The following KRT19 variants were observed in gnomAD, a reference collection of about 807,000 sequenced individuals.
The protein encoded by KRT19 is keratin 19, also known as keratin, type I cytoskeletal 19.
KRT19 carries 21 observed loss-of-function variants against 34.6 expected under a neutral mutation model. The observed-to-expected ratio is 0.61, with a 90% CI of 0.43 to 0.87. The LOEUF is 0.87. Ranked by LOEUF, KRT19 falls within the 40% of genes least tolerant of loss-of-function variation. The pLI is 0.00. For missense variants in KRT19, 514 were observed against 545.7 expected (o/e 0.94, Z 0.58); for synonymous variants, 240 against 245.8 (o/e 0.98, Z 0.22).
Position 41,527,877 on chromosome 17 carries a change from G to A in KRT19, c.371C>T (p.Ser124Phe). ...DWYQKQGPGPSRDYSHYYTTI... is the reference protein window; with the variant it reads ...DWYQKQGPGPFRDYSHYYTTI... ...CGTGTAGTAGTGGCTGTAGTCGCGG[G>A]AGGGCCCAGGCCCCTGCTTCTGGTA... The change falls in exon 1 of 6, where the codon TCC becomes TTC. Residue 124 changes from serine to phenylalanine, a missense_variant. Physicochemically the swap from Ser to Phe is radical, Grantham distance 155 (BLOSUM62 -2). Coordinates refer to ENST00000361566, the MANE Select transcript of KRT19 (RefSeq NM_002276.5). 1 of 1,613,202 alleles carries A rather than the reference G, an allele frequency of 6.2e-7. No individual in the cohort carries two copies. The highest frequency in any genetic ancestry group is 8.5e-7 in the Non-Finnish European group (1 of 1,179,584).
At position 41,523,736 on chromosome 17, in the gene KRT19, T is replaced by G; in HGVS notation, c.*7A>C. ...AAAGGACAGCAGAAGCCCCAGAGCC[T>G]GCTGCCTCAGAGGACCTTGGAGGCA... is the stretch of plus-strand genomic sequence containing the variant. On this transcript the variant is annotated 3_prime_UTR_variant, in exon 6 of 6. Transcript: ENST00000361566. 1 of 1,613,194 alleles carries G rather than the reference T, an allele frequency of 6.2e-7. No individual in the cohort carries two copies.
At position 41,524,501 on chromosome 17, in the gene KRT19, T is replaced by C. The variant is rs761258678; in HGVS notation, c.700A>G (p.Ser234Gly). ...TLRGQVGGQV[S>G]VEVDSAPGTD... ...CCCGGAGCGGAATCCACCTCCACAC[T>C]GACCTGGCCTCCCACTTGGCCCCTC... The change falls in exon 4 of 6, where the codon AGT becomes GGT. Residue 234 changes from serine (S) to glycine (G), a missense_variant. Physicochemically the swap from Ser to Gly is moderately conservative, Grantham distance 56. Transcript: ENST00000361566. 1 of 1,614,178 alleles carries C rather than the reference T, an allele frequency of 6.2e-7. No individual in the cohort carries two copies. The highest frequency in any genetic ancestry group is 1.1e-5 in the South Asian group (1 of 91,082).
Position 41,523,913 on chromosome 17 carries a change from T to C in KRT19, c.1033A>G (p.Ile345Val), listed in dbSNP as rs766420830. The change falls in exon 6 of 6, where the codon ATT (isoleucine) becomes GTT (valine). Residue 345 changes from isoleucine to valine, a missense_variant. By Grantham distance (29) the Ile-to-Val change is conservative. Transcript: ENST00000361566. ...CGCACATCGCCCAGCTGGGCTTCAA[T>C]ACCGCTGATCAGCGCCTGGATATGC... The part of the protein sequence containing the change: ...LAHIQALISG[I>V]EAQLGDVRAD... 9.3e-6 allele frequency: 15 copies of C among 1,614,074 alleles called. No homozygotes were observed. Among genetic ancestry groups the C allele is most frequent in the Non-Finnish European group, 1.3e-5 (15 of 1,180,016 alleles).
At chr17:41,525,597 G>A in intron 1 of KRT19, 1 of 306,626 alleles carries the variant, frequency 3.3e-6, no homozygotes, top group Non-Finnish European at 6.1e-6. Flanking sequence ...CCAGATGGGG[G>A]GTAGATTTTG....
Position 41,527,837 on chromosome 17 carries a change from C to A in KRT19, c.411G>T (p.Leu137=). 6.3e-7 allele frequency: 1 copy of A among 1,586,328 alleles called. No individual in the cohort carries two copies. The highest frequency in any genetic ancestry group is 8.6e-7 in the Non-Finnish European group (1 of 1,163,610). The change falls in exon 1 of 6, where the codon CTG becomes CTT. Residue 137 remains leucine (L), a synonymous_variant. Coordinates refer to ENST00000361566, the MANE Select transcript of KRT19 (RefSeq NM_002276.5). ...CCGGGCCTCCGCCCACCTTGTCCCG[C>A]AGGTCCTGGATGGTCGTGTAGTAGT... ...YSHYYTTIQD[L]RDKILGATIE... is the part of the protein sequence containing the mutation.
intron 1 of KRT19, 90 bp downstream of exon 1, chr17:41,527,738 C>T (rs1024511574): frequency 2.1e-6 from 3 of 1,422,412 alleles, no homozygotes; most frequent in South Asian, 2.8e-5. Flanking sequence ...GGGCTCCTGC[C>T]CGCCGCCCCG....
In KRT19 at chr17:41,524,867, G is replaced by A; in HGVS notation, c.636C>T (p.Ala212=). Residue 212 remains alanine (A), a synonymous_variant, in exon 3 of 6, where the codon GCC becomes GCT. Coordinates refer to ENST00000361566, the MANE Select transcript of KRT19 (RefSeq NM_002276.5). ...CCTCCTCATGGTTCTTCTTCAGGTA[G>A]GCCAGCTCTTCCTTCAGGCCTTCGA... is the stretch of plus-strand genomic sequence containing the variant. ...MQIEGLKEEL[A]YLKKNHEEEI... is the part of the protein sequence containing the mutation. 6.2e-7 allele frequency: 1 copy of A among 1,614,134 alleles called. No homozygotes were observed. Among genetic ancestry groups the A allele is most frequent in the African/African-American group, 1.3e-5 (1 of 75,060 alleles).
chr17:41,524,578 A>G, intron 3 of KRT19, 38 bp from the exon 4 acceptor site: 1 of 1,609,510 alleles, frequency 6.2e-7, no homozygotes, highest in Non-Finnish European at 8.5e-7. Context: ...GTCAGGGCCC[A>G]GACCCCACTG....
At position 41,523,726 on chromosome 17, in the gene KRT19, C is replaced by T. The variant is rs1246279029; in HGVS notation, c.*17G>A. 2 of 1,612,542 alleles carry T rather than the reference C, an allele frequency of 1.2e-6. No individual in the cohort carries two copies. Among genetic ancestry groups the T allele is most frequent in the African/African-American group, 2.7e-5 (2 of 75,026 alleles). On this transcript the variant is annotated 3_prime_UTR_variant, in exon 6 of 6. Coordinates refer to ENST00000361566, the MANE Select transcript of KRT19 (RefSeq NM_002276.5). ...GACACCCTCCAAAGGACAGCAGAAG[C>T]CCCAGAGCCTGCTGCCTCAGAGGAC...
At chr17:41,526,133 A>AG (rs2144536121) in intron 1 of KRT19, among the ~76,000 whole-genome samples, 1 of 151,864 alleles carries the variant, frequency 6.6e-6, no homozygotes, top group South Asian at 2.1e-4. Context: ...CACCACGCCC[A>AG]GCTAATTTTT....
chr17:41,525,090 G>T, intron 2 of KRT19, 91 bp from the exon 3 acceptor site: 1 of 1,578,272 alleles, frequency 6.3e-7, no homozygotes, highest in Non-Finnish European at 8.7e-7. Flanking sequence ...TCCATAGGGG[G>T]GTTAGCTTCA....
chr17:41,525,320 T>C (rs576991527), intron 1 of KRT19, 47 bp from the exon 2 acceptor site: 2 of 1,311,800 alleles, frequency 1.5e-6, no homozygotes, highest in East Asian at 4.6e-5. Context: ...ACACAGGCAC[T>C]GCCCACTCAC....
chr17:41,524,524 C>T lies in KRT19; in HGVS notation c.677G>A (p.Arg226Lys). Residue 226 changes from arginine to lysine, a missense_variant, in exon 4 of 6, where the codon AGG (arginine) becomes AAG (lysine). Coordinates refer to ENST00000361566, the MANE Select transcript of KRT19 (RefSeq NM_002276.5). ...KNHEEEISTL[R>K]GQVGGQVSVE... Reference sequence around the variant, plus strand: ...ACTGACCTGGCCTCCCACTTGGCCCCTCAGCGTACTGATTTCCTGTAAAGA... The same window carrying T: ...ACTGACCTGGCCTCCCACTTGGCCCTTCAGCGTACTGATTTCCTGTAAAGA... 6.2e-7 allele frequency: 1 copy of T among 1,614,134 alleles called. No homozygotes were observed. Among genetic ancestry groups the T allele is most frequent in the Non-Finnish European group, 8.5e-7 (1 of 1,179,990 alleles).
At chr17:41,526,037 T>A (rs528787192) in intron 1 of KRT19, among the ~76,000 whole-genome samples, 11 of 151,724 alleles carry the variant, frequency 7.3e-5, no homozygotes, top group Non-Finnish European at 1.3e-4. Context: ...AGCGTCGCGA[T>A]CTCGGCTCAC....
intron 1 of KRT19, 161 bp from the exon 2 acceptor site, chr17:41,525,434 C>A (rs988521553): frequency 3.1e-6 from 2 of 645,270 alleles, no homozygotes; most frequent in Non-Finnish European, 5.6e-6. Context: ...CTCTGGGAGG[C>A]CTTGCAAACA....
At position 41,523,665 on chromosome 17, in the gene KRT19, G is replaced by C; in HGVS notation, c.*78C>G. The C allele has an allele frequency of 6.9e-7, 1 of 1,454,736 alleles. No homozygotes were observed. Among genetic ancestry groups the C allele is most frequent in the South Asian group, 1.2e-5 (1 of 80,926 alleles). The allele number at this position is 1,454,736 out of a possible 1,614,324, so 90.1% of individuals were successfully genotyped here. A position where few individuals can be genotyped will look rare whatever the true frequency, so the allele number is the denominator to read the frequency against. On this transcript the variant is annotated 3_prime_UTR_variant, in exon 6 of 6. Transcript: ENST00000361566. Reference sequence around the variant, plus strand: ...TGGCAGGTCAGGAGAAGAGCCGGGGGTAAGGGTCCCTTCCTTCCCATCCCT... The same window carrying C: ...TGGCAGGTCAGGAGAAGAGCCGGGGCTAAGGGTCCCTTCCTTCCCATCCCT...
chr17:41,524,560 A>G lies in KRT19; in HGVS notation c.661-20T>C, dbSNP rs561351439. 3 of 1,613,506 alleles carry G rather than the reference A, an allele frequency of 1.9e-6. No homozygotes were observed. The highest frequency in any genetic ancestry group is 2.2e-5 in the South Asian group (2 of 91,068). On this transcript the variant is annotated intron_variant, in intron 3 of 5. Coordinates refer to ENST00000361566, the MANE Select transcript of KRT19 (RefSeq NM_002276.5). ...GATTTCCTGTAAAGATACAGCAGAGATGGGCATGTCAGGGCCCAGACCCCA... is the reference window on the plus strand; with the variant it reads ...GATTTCCTGTAAAGATACAGCAGAGGTGGGCATGTCAGGGCCCAGACCCCA...
At chr17:41,525,617 GC>G (rs370300972) in intron 1 of KRT19, 18 of 269,010 alleles carry the variant, frequency 6.7e-5, no homozygotes, top group Admixed American at 9.7e-5. Context: ...GTCTATACCT[GC>G]CCCCCCCACT....
chr17:41,524,495 C>T lies in KRT19; in HGVS notation c.706G>A (p.Glu236Lys), dbSNP rs773735693. 3 of 1,614,188 alleles carry T rather than the reference C, an allele frequency of 1.9e-6. No individual in the cohort carries two copies. The highest frequency in any genetic ancestry group is 1.7e-5 in the Admixed American group (1 of 60,032). ...TCGGTGCCCGGAGCGGAATCCACCTCCACACTGACCTGGCCTCCCACTTGG... is the reference window on the plus strand; with the variant it reads ...TCGGTGCCCGGAGCGGAATCCACCTTCACACTGACCTGGCCTCCCACTTGG... The part of the protein sequence containing the change: ...RGQVGGQVSV[E>K]VDSAPGTDLA... The change falls in exon 4 of 6, where the codon GAG becomes AAG. Residue 236 changes from glutamate to lysine, a missense_variant. Coordinates refer to ENST00000361566, the MANE Select transcript of KRT19 (RefSeq NM_002276.5).
Sources: gnomAD v4.1 joint callset for allele counts (sites outside exome capture counted in the v4.1 genomes callset) on GRCh38, gnomAD v4.1.1 for gene constraint, MANE v1.5 for transcripts, NCBI Gene and HGNC (gene_info 2026-07-23, HGNC 2026-07-21) for gene names.